The following ANKZF1 variants were observed in gnomAD, a reference collection of about 807,000 sequenced individuals.
ANKZF1 encodes the protein tRNA endonuclease ANKZF1.
Under a neutral mutation model 86.0 loss-of-function variants are expected in ANKZF1, and 84 were observed. The ratio of observed to expected loss-of-function variants is 0.98; its 90% CI spans 0.82 to 1.17. The LOEUF (loss-of-function observed/expected upper bound fraction) is 1.17, where lower values mean the gene tolerates loss of function less well. ANKZF1 is among the 50% of genes most tolerant of loss of function. The pLI is 0.00. For missense variants in ANKZF1, 893 were observed against 918.4 expected, an observed-to-expected ratio of 0.97 and a Z score of 0.36; for synonymous variants, 331 against 354.2, an observed-to-expected ratio of 0.93 and a Z score of 0.74.
At chr2:219,230,180 A>G in intron 1 of ANKZF1, 48 bp from the exon 2 acceptor site, 1 of 1,523,128 alleles carries the variant, frequency 6.6e-7, no homozygotes, top group Non-Finnish European at 8.9e-7. Context: ...ACGCAGCAGT[A>G]GGATCTCGTT....
At chr2:219,230,542 A>C in intron 2 of ANKZF1, 137 bp downstream of exon 2, 1 of 1,197,608 alleles carries the variant, frequency 8.3e-7, no homozygotes, top group Non-Finnish European at 1.1e-6. Context: ...AATTCACTTA[A>C]TCTCTGGGTA....
rs776885451 is a variant in ANKZF1 at position 219,233,886 on chromosome 2, C to T, written c.991C>T (p.Pro331Ser). ...LWDIPLATRRPTFQELQRVLH... is the reference protein window; with the variant it reads ...LWDIPLATRRSTFQELQRVLH... ...GGATATCCCCCTCGCCACCCGCAGA[C>T]CCACCTTCCAAGAGCTACAGCGTGT... Residue 331 changes from proline (P) to serine (S), a missense_variant, in exon 8 of 14, where the codon CCC (proline) becomes TCC (serine). Coordinates refer to ENST00000323348, the MANE Select transcript of ANKZF1 (RefSeq NM_018089.3). The T allele has an allele frequency of 6.2e-7, 1 of 1,610,024 alleles. No individual in the cohort carries two copies.
At position 219,234,252 on chromosome 2, in the gene ANKZF1, G is replaced by A. The variant is rs754134208; in HGVS notation, c.1168G>A (p.Glu390Lys). Residue 390 changes from glutamate (E) to lysine (K), a missense_variant, in exon 9 of 14, where the codon GAA becomes AAA. By Grantham distance (56) the Glu-to-Lys change is moderately conservative (BLOSUM62 1). Coordinates refer to ENST00000323348, the MANE Select transcript of ANKZF1 (RefSeq NM_018089.3). The part of the protein sequence containing the change: ...EIRKICRDEK[E>K]ALGQNEESPK... ...AAGAAAGATCTGCAGGGATGAAAAG[G>A]AAGCGCTGGGGCAGAATGAGGAATC... is the stretch of plus-strand genomic sequence containing the variant. The A allele has an allele frequency of 6.2e-7, 1 of 1,613,976 alleles. No homozygotes were observed. Among genetic ancestry groups the A allele is most frequent in the South Asian group, 1.1e-5 (1 of 91,088 alleles).
chr2:219,231,965 C>A lies in ANKZF1; in HGVS notation c.186C>A (p.Leu62=), dbSNP rs551647421. The A allele has an allele frequency of 1.2e-6, 2 of 1,614,008 alleles. No homozygotes were observed. Among genetic ancestry groups the A allele is most frequent in the Non-Finnish European group, 1.7e-6 (2 of 1,179,990 alleles). Residue 62 remains leucine, a synonymous_variant, in exon 3 of 14, where the codon CTC becomes CTA. Transcript: ENST00000323348. ...GERESPERKL[L]QGPMDISEKL... The stretch of plus-strand genomic sequence containing the variant: ...GAGAAAGCCCAGAAAGAAAGCTACT[C>A]CAGGGTCCTATGGATATTTCAGAGA...
intron 2 of ANKZF1, chr2:219,231,354 C>T: frequency 4.5e-6 from 1 of 222,594 alleles, no homozygotes; most frequent in Non-Finnish European, 1.0e-5. Context: ...TTCCAGAATG[C>T]CCAGGGCCAG....
Position 219,232,034 on chromosome 2 carries a change from A to G in ANKZF1, c.255A>G (p.Gln85=), listed in dbSNP as rs1452557412. The G allele has an allele frequency of 1.9e-5, 30 of 1,605,034 alleles. No individual in the cohort carries two copies. In the Admixed American group the frequency reaches 5.2e-4, roughly 28 times the overall value. Residue 85 remains glutamine, a synonymous_variant, in exon 3 of 14, where the codon CAA becomes CAG. Coordinates refer to ENST00000323348, the MANE Select transcript of ANKZF1 (RefSeq NM_018089.3). The part of the protein sequence containing the change: ...STCDQTFQNH[Q]EQREHYKLDW... ...GTGACCAGACCTTCCAGAACCACCA[A>G]GAACAGGTAATAGGTCAGGTGCAGA...
rs1281784687 is a variant in ANKZF1 at position 219,235,854 on chromosome 2, C to T, written c.1950C>T (p.Ala650=). The change falls in exon 12 of 14, where the codon GCC becomes GCT. Residue 650 remains alanine (A), a synonymous_variant. Coordinates refer to ENST00000323348, the MANE Select transcript of ANKZF1 (RefSeq NM_018089.3). ...EREREEQRRF[A]ALSDREKRAL... is the part of the protein sequence containing the mutation. ...AACGAGAAGAGCAGCGGCGATTTGC[C>T]GCCCTCAGTGACCGAGAGAAGGTGA... 7 of 1,614,168 alleles carry T rather than the reference C, an allele frequency of 4.3e-6. No homozygotes were observed. Among genetic ancestry groups the T allele is most frequent in the African/African-American group, 1.3e-5 (1 of 75,038 alleles).
rs1450766086 is a variant in ANKZF1, at chr2:219,229,874, C to A, written c.-57C>A. The A allele has an allele frequency of 1.1e-5, 2 of 184,890 alleles. No individual in the cohort carries two copies. Among genetic ancestry groups the A allele is most frequent in the Middle Eastern group, 2.3e-3 (1 of 434 alleles). The allele number at this position is 184,890 out of a possible 1,614,324, so 11.5% of individuals were successfully genotyped here. ...ATCCGGCAATCGACCTGAGGACTTG[C>A]GAGCCGCTCAGCTCCCGGGACGTTT... On this transcript the variant is annotated 5_prime_UTR_variant, in exon 1 of 14. Transcript: ENST00000323348. This position sits in a 1 kb window ranked among gnomAD's most constrained non-coding sequence, Gnocchi z 4.2.
chr2:219,232,011 G>T lies in ANKZF1; in HGVS notation c.232G>T (p.Asp78Tyr). The T allele has an allele frequency of 6.2e-7, 1 of 1,610,748 alleles. No individual in the cohort carries two copies. Among genetic ancestry groups the T allele is most frequent in the South Asian group, 1.1e-5 (1 of 90,588 alleles). ...AGAGAAGTTATTTTGTTCAACTTGT[G>T]ACCAGACCTTCCAGAACCACCAAGA... ...ISEKLFCSTCDQTFQNHQEQR... is the reference protein window; with the variant it reads ...ISEKLFCSTCYQTFQNHQEQR... The change falls in exon 3 of 14, where the codon GAC becomes TAC. Residue 78 changes from aspartate (D) to tyrosine (Y), a missense_variant. Asp to Tyr is a radical substitution (Grantham distance 160). Coordinates refer to ENST00000323348, the MANE Select transcript of ANKZF1 (RefSeq NM_018089.3).
chr2:219,235,398 T>C (rs1951179715), intron 10 of ANKZF1, 76 bp from the exon 11 acceptor site: 1 of 1,600,046 alleles, frequency 6.2e-7, no homozygotes, highest in Non-Finnish European at 8.5e-7. Context: ...CTTGGCAATA[T>C]TCCCTTGGTC....
chr2:219,231,357 AG>A, intron 2 of ANKZF1: 1 of 222,680 alleles, frequency 4.5e-6, no homozygotes. Context: ...CAGAATGCCC[AG>A]GGCCAGTTTT....
In ANKZF1 at chr2:219,234,808, T is replaced by C. The variant is rs1395046910; in HGVS notation, c.1205-18T>C. The C allele has an allele frequency of 6.3e-7, 1 of 1,596,422 alleles. No homozygotes were observed. Among genetic ancestry groups the C allele is most frequent in the South Asian group, 1.1e-5 (1 of 88,928 alleles). ...GAGTACTCCCTAGATGGATTTCACA[T>C]GTCAGGTTTTTCCCTAGGTTCAGGG... On this transcript the variant is annotated intron_variant, in intron 9 of 13. Coordinates refer to ENST00000323348, the MANE Select transcript of ANKZF1 (RefSeq NM_018089.3).
At position 219,233,175 on chromosome 2, in the gene ANKZF1, G is replaced by A. The variant is rs749124178; in HGVS notation, c.655G>A (p.Gly219Ser). 1.9e-5 allele frequency: 31 copies of A among 1,614,238 alleles called. No homozygotes were observed. The South Asian group carries it at 3.4e-4, about 18-fold the overall frequency. The change falls in exon 6 of 14, where the codon GGT (glycine) becomes AGT (serine). Residue 219 changes from glycine (G) to serine (S), a missense_variant. Gly to Ser is a moderately conservative substitution (Grantham distance 56, BLOSUM62 0). Transcript: ENST00000323348. ...CATGGCTGCAGCTGGGCACTTTGCTGGTGCTATATTTCAAGGGTGAGAGGG... is the reference window on the plus strand; with the variant it reads ...CATGGCTGCAGCTGGGCACTTTGCTAGTGCTATATTTCAAGGGTGAGAGGG... ...VLMAAAGHFA[G>S]AIFQGREVVT...
At chr2:219,233,687 T>C (rs1267235220) in intron 7 of ANKZF1, 28 bp from the exon 8 acceptor site, 1 of 1,581,204 alleles carries the variant, frequency 6.3e-7, no homozygotes, top group South Asian at 1.2e-5. Flanking sequence ...AGTGAAGGTA[T>C]GCAGGACTGA....
In ANKZF1 at chr2:219,235,992, A is replaced by G. The variant is rs138323153; in HGVS notation, c.1972-18A>G. The G allele has an allele frequency of 8.9e-5, 143 of 1,614,110 alleles. No homozygotes were observed. In the African/African-American group the frequency reaches 1.6e-3, roughly 18 times the overall value. The stretch of plus-strand genomic sequence containing the variant: ...TCGCCACTGGGGCCTTGTCCTTAAC[A>G]CAACTTGTCTCCCTCAGAGAGCTCT... On this transcript the variant is annotated intron_variant, in intron 12 of 13. Transcript: ENST00000323348.
Position 219,233,335 on chromosome 2 carries a change from A to G in ANKZF1, c.721A>G (p.Lys241Glu), listed in dbSNP as rs1951099361. ...TTTTCACCGCTATACGGTTCGGGCCAAGCGGGGCACAGCCCAGGGGCTTCG... is the reference window on the plus strand; with the variant it reads ...TTTTCACCGCTATACGGTTCGGGCCGAGCGGGGCACAGCCCAGGGGCTTCG... Reference protein sequence around the residue: ...KTFHRYTVRAKRGTAQGLRDA... With the variant: ...KTFHRYTVRAERGTAQGLRDA... Residue 241 changes from lysine to glutamate, a missense_variant, in exon 7 of 14, where the codon AAG (lysine) becomes GAG (glutamate). Physicochemically the swap from Lys to Glu is moderately conservative, Grantham distance 56. Coordinates refer to ENST00000323348, the MANE Select transcript of ANKZF1 (RefSeq NM_018089.3). The G allele has an allele frequency of 6.8e-6, 11 of 1,614,266 alleles. No individual in the cohort carries two copies. Among genetic ancestry groups the G allele is most frequent in the Non-Finnish European group, 9.3e-6 (11 of 1,180,050 alleles).
At chr2:219,233,457 G>A (rs1951106537) in intron 7 of ANKZF1, 24 bp downstream of exon 7, 9 of 1,582,058 alleles carry the variant, frequency 5.7e-6, no homozygotes, top group East Asian at 4.5e-5. Flanking sequence ...TTTAGATCTG[G>A]TGGTACTGAT....
Position 219,233,871 on chromosome 2 carries a change from C to G in ANKZF1, c.976C>G (p.Leu326Val). ...GGATCCCCGACTTTGGGATATCCCC[C>G]TCGCCACCCGCAGACCCACCTTCCA... ...RGDPRLWDIP[L>V]ATRRPTFQEL... The change falls in exon 8 of 14, where the codon CTC becomes GTC. Residue 326 changes from leucine to valine, a missense_variant. Physicochemically the swap from Leu to Val is conservative, Grantham distance 32 (BLOSUM62 1). Transcript: ENST00000323348. The G allele has an allele frequency of 6.2e-7, 1 of 1,612,168 alleles. No individual in the cohort carries two copies. Among genetic ancestry groups the G allele is most frequent in the Non-Finnish European group, 8.5e-7 (1 of 1,179,148 alleles).
rs1324609527 is a variant in ANKZF1 at position 219,236,037 on chromosome 2, G to A, written c.1999G>A (p.Ala667Thr). 2.4e-5 allele frequency: 38 copies of A among 1,614,052 alleles called. No homozygotes were observed. The East Asian group carries it at 5.8e-4, about 25-fold the overall frequency. ...KRALAAERRL[A>T]AQLGAPTSPI... ...AGCTCTGGCTGCAGAGCGCCGACTC[G>A]CTGCCCAGTTGGGAGCCCCTACCTC... Residue 667 changes from alanine to threonine, a missense_variant, in exon 13 of 14, where the codon GCT (alanine) becomes ACT (threonine). Physicochemically the swap from Ala to Thr is moderately conservative, Grantham distance 58. Coordinates refer to ENST00000323348, the MANE Select transcript of ANKZF1 (RefSeq NM_018089.3).
Sources: allele counts gnomAD v4.1 joint callset, GRCh38; gene constraint gnomAD v4.1.1; non-coding constraint Gnocchi (gnomAD v3.1); transcripts MANE v1.5; gene names NCBI Gene and HGNC (gene_info 2026-07-23, HGNC 2026-07-21).